Variants in EFHD1 observed in about 807,000 individuals in gnomAD.
EFHD1 encodes EF-hand domain family member D1.
Under a neutral mutation model 17.2 loss-of-function variants are expected in EFHD1, and 10 were observed. The observed-to-expected ratio is 0.58, with a 90% confidence interval of 0.36 to 0.99. The LOEUF is 0.99. Ranked by LOEUF, EFHD1 falls within the 50% of genes least tolerant of loss-of-function variation. The pLI, the probability that EFHD1 is intolerant of heterozygous loss-of-function variation, is 0.01. For missense variants in EFHD1, 310 were observed against 327.5 expected (o/e 0.95, Z 0.41); for synonymous variants, 153 against 142.0 (o/e 1.08, Z -0.55).
intron 1 of EFHD1, among the ~76,000 whole-genome samples, chr2:232,641,171 T>G (rs983085139): frequency 5.9e-5 from 9 of 151,854 alleles, no homozygotes; most frequent in Non-Finnish European, 5.9e-5. Context: ...GCCTCCTGAG[T>G]AACTGGGACT....
upstream of EFHD1, among the ~76,000 whole-genome samples, chr2:232,628,968 G>A (rs751742260): frequency 3.9e-5 from 6 of 151,924 alleles, no homozygotes; most frequent in Non-Finnish European, 4.4e-5. Flanking sequence ...CCCAGGCCAC[G>A]TGGAGAGGCC....
At chr2:232,611,265 C>A (rs985526223) in intron 1 of EFHD1, among the ~76,000 whole-genome samples, 1 of 151,358 alleles carries the variant, frequency 6.6e-6, no homozygotes, top group African/African-American at 2.4e-5. Context: ...TCCCTGTGCC[C>A]GGCCTCCAGG....
chr2:232,648,523 A>T (rs1694575295), intron 1 of EFHD1, among the ~76,000 whole-genome samples: 1 of 152,110 alleles, frequency 6.6e-6, no homozygotes, highest in Non-Finnish European at 1.5e-5. Context: ...AGGGAGAGGG[A>T]CTACAGTCCT....
intron 1 of EFHD1, among the ~76,000 whole-genome samples, chr2:232,612,146 C>T (rs1326772491): frequency 6.6e-6 from 1 of 152,152 alleles, no homozygotes; most frequent in African/African-American, 2.4e-5. Flanking sequence ...GCCACTGTGC[C>T]CAGCTTGATG....
intron 2 of EFHD1, among the ~76,000 whole-genome samples, chr2:232,669,152 C>G (rs542938369): frequency 6.6e-6 from 1 of 152,316 alleles, no homozygotes; most frequent in African/African-American, 2.4e-5. Context: ...CTTTTCCACC[C>G]CTGTGTCACC....
chr2:232,638,579 G>A (rs995634834), intron 1 of EFHD1: 10 of 393,922 alleles, frequency 2.5e-5, no homozygotes, highest in East Asian at 1.4e-4. Flanking sequence ...AGAGAGAAGC[G>A]GGTGTAGATT....
chr2:232,640,162 C>G (rs1009428386), intron 1 of EFHD1, among the ~76,000 whole-genome samples: 1 of 152,180 alleles, frequency 6.6e-6, no homozygotes, highest in Non-Finnish European at 1.5e-5. Flanking sequence ...GAAACCTGAC[C>G]TGTGGTCAAT....
chr2:232,633,894 G>A lies in EFHD1; in HGVS notation c.190G>A (p.Asp64Asn). Residue 64 changes from aspartate (D) to asparagine (N), a missense_variant, in exon 1 of 4, where the codon GAC becomes AAC. Transcript: ENST00000264059. ...ELSAQLSRRL[D>N]INEGAARPRR... is the part of the protein sequence containing the mutation. ...GAGCGCCCAGCTGAGCCGGCGGCTG[G>A]ACATCAACGAGGGCGCTGCGCGGCC... The A allele has an allele frequency of 1.3e-6, 2 of 1,565,928 alleles. No individual in the cohort carries two copies. The highest frequency in any genetic ancestry group is 2.3e-5 in the South Asian group (2 of 88,416).
At chr2:232,618,933 C>T (rs1693973080) in intron 1 of EFHD1, among the ~76,000 whole-genome samples, 1 of 151,958 alleles carries the variant, frequency 6.6e-6, no homozygotes, top group Non-Finnish European at 1.5e-5. Context: ...CACCTGAGGT[C>T]AGAAGTTTGA....
chr2:232,625,761 T>A (rs545809407), intron 1 of EFHD1, among the ~76,000 whole-genome samples: 1 of 152,176 alleles, frequency 6.6e-6, no homozygotes, highest in South Asian at 2.1e-4. Flanking sequence ...TTTGTACCCA[T>A]GATGCGAAAG....
chr2:232,619,584 A>T (rs1319310832), intron 1 of EFHD1, among the ~76,000 whole-genome samples: 1 of 152,082 alleles, frequency 6.6e-6, no homozygotes, highest in Admixed American at 6.6e-5. Flanking sequence ...GGCTGGAATT[A>T]CGGGTGTGAG....
intron 3 of EFHD1, among the ~76,000 whole-genome samples, chr2:232,677,306 C>T (rs1314735828): frequency 6.6e-6 from 1 of 151,306 alleles, no homozygotes; most frequent in Non-Finnish European, 1.5e-5. Flanking sequence ...TACACACACA[C>T]ATCTTTCTAT....
At chr2:232,644,814 T>A (rs865785065) in intron 1 of EFHD1, among the ~76,000 whole-genome samples, 1,623 of 146,976 alleles carry the variant, frequency 0.011, 32 homozygotes, top group African/African-American at 0.039. Context: ...TTTTTTTTTT[T>A]AATTTTTAGT....
Position 232,662,953 on chromosome 2 carries a change from C to T in EFHD1, c.450+4C>T, listed in dbSNP as rs760963846. ...TGGCAAGCTCAGCTTCCGGGAGGTA[C>T]CTGCCTGCTGTGGCCCTGAGCCCCT... On this transcript the variant is annotated splice_donor_region_variant and intron_variant, in intron 2 of 3. Coordinates refer to ENST00000264059, the MANE Select transcript of EFHD1 (RefSeq NM_025202.4). The T allele has an allele frequency of 2.5e-6, 4 of 1,576,712 alleles. No homozygotes were observed. The highest frequency in any genetic ancestry group is 2.4e-5 in the East Asian group (1 of 41,560).
chr2:232,631,788 G>C (rs1694208145), upstream of EFHD1, among the ~76,000 whole-genome samples: 1 of 150,322 alleles, frequency 6.7e-6, no homozygotes, highest in Non-Finnish European at 1.5e-5. Context: ...GATCGTCTGA[G>C]GCTAGGAGTT....
At chr2:232,672,617 C>T (rs758529168) in intron 3 of EFHD1, among the ~76,000 whole-genome samples, 174 bp downstream of exon 3, 16 of 152,140 alleles carry the variant, frequency 1.1e-4, no homozygotes, top group Non-Finnish European at 1.9e-4. Flanking sequence ...AGTTCAGACT[C>T]TGCCTCCTCC....
At chr2:232,671,354 A>G (rs1695065069) in intron 2 of EFHD1, among the ~76,000 whole-genome samples, 1 of 152,032 alleles carries the variant, frequency 6.6e-6, no homozygotes, top group Non-Finnish European at 1.5e-5. Flanking sequence ...GCATAGGACC[A>G]CCTGAGCCCA....
At chr2:232,637,156 A>G (rs79858482) in intron 1 of EFHD1, among the ~76,000 whole-genome samples, 5,337 of 152,196 alleles carry the variant, frequency 0.035, 324 homozygotes, top group African/African-American at 0.12. Context: ...TCTGAAACCA[A>G]CGTGTCAGCC....
intron 3 of EFHD1, among the ~76,000 whole-genome samples, chr2:232,679,950 T>G (rs896451930): frequency 6.6e-6 from 1 of 151,982 alleles, no homozygotes; most frequent in African/African-American, 2.4e-5. Context: ...AGCAGCTACT[T>G]TGGAGAGCAA....
Sources: gnomAD v4.1 joint callset for allele counts (sites outside exome capture counted in the v4.1 genomes callset) on GRCh38, gnomAD v4.1.1 for gene constraint, MANE v1.5 for transcripts, NCBI Gene and HGNC (gene_info 2026-07-23, HGNC 2026-07-21) for gene names.